The following ZNF407 variants were observed in gnomAD, a reference collection of about 807,000 sequenced individuals.
ZNF407 encodes zinc finger protein 407.
ZNF407 carries 17 observed loss-of-function variants against 131.2 expected under a neutral mutation model. The ratio of observed to expected loss-of-function variants is 0.13; its 90% CI spans 0.09 to 0.19. The LOEUF (loss-of-function observed/expected upper bound fraction) is 0.19, where lower values mean the gene tolerates loss of function less well. ZNF407 is among the 10% of genes least tolerant of loss of function. The probability of loss-of-function intolerance (pLI) is 1.00; values close to 1 mark genes in which losing one functional copy is unlikely to be tolerated. For missense variants in ZNF407, 2,681 were observed against 2,830.6 expected (o/e 0.95, Z 1.20); for synonymous variants, 1,156 against 1,062.0 (o/e 1.09, Z -1.72).
intron 1 of ZNF407, among the ~76,000 whole-genome samples, chr18:74,630,097 C>T (rs1206826827): frequency 6.7e-6 from 1 of 149,728 alleles, no homozygotes; most frequent in Non-Finnish European, 1.5e-5. Context: ...ACGTGTTGTT[C>T]ATTGGAATAT....
chr18:75,044,629 G>A (rs1387149119), intron 8 of ZNF407, among the ~76,000 whole-genome samples: 1 of 152,094 alleles, frequency 6.6e-6, no homozygotes, highest in Non-Finnish European at 1.5e-5. Context: ...ACTATGGCCC[G>A]TGTCAAAAAC....
At chr18:74,674,856 C>T (rs1453167629) in intron 3 of ZNF407, among the ~76,000 whole-genome samples, 1 of 152,178 alleles carries the variant, frequency 6.6e-6, no homozygotes, top group Admixed American at 6.5e-5. Flanking sequence ...CTGATCCATA[C>T]CCCCTCGCTG....
At chr18:75,034,390 G>A (rs746075927) in intron 8 of ZNF407, among the ~76,000 whole-genome samples, 35 of 138,644 alleles carry the variant, frequency 2.5e-4, no homozygotes, top group African/African-American at 7.2e-4. Flanking sequence ...TGCAAGCTCC[G>A]CCTCCCGGGT....
At chr18:74,681,489 C>T (rs1352023450) in intron 3 of ZNF407, among the ~76,000 whole-genome samples, 2 of 152,124 alleles carry the variant, frequency 1.3e-5, no homozygotes, top group African/African-American at 4.8e-5. Context: ...GTGATCCTCC[C>T]ACCTTGGCCT....
intron 4 of ZNF407, among the ~76,000 whole-genome samples, chr18:74,875,620 A>T (rs898768458): frequency 1.8e-4 from 28 of 152,184 alleles, no homozygotes; most frequent in Admixed American, 6.5e-5. Flanking sequence ...GAAATGTTAA[A>T]TGCATGAAGA....
At chr18:74,683,851 T>C (rs1599067063) in intron 3 of ZNF407, among the ~76,000 whole-genome samples, 1 of 152,218 alleles carries the variant, frequency 6.6e-6, no homozygotes, top group Non-Finnish European at 1.5e-5. Flanking sequence ...GTAATTAGGC[T>C]TCAGAATTTT....
chr18:74,602,127 C>T (rs1376650629), intron 1 of ZNF407, among the ~76,000 whole-genome samples: 1 of 152,164 alleles, frequency 6.6e-6, no homozygotes, highest in Admixed American at 6.5e-5. Context: ...GTACTAACTC[C>T]CTGCTTACTT....
chr18:74,623,439 G>A (rs537889040), intron 1 of ZNF407, among the ~76,000 whole-genome samples: 17 of 152,266 alleles, frequency 1.1e-4, no homozygotes, highest in African/African-American at 3.9e-4. Context: ...TCTTTAGGAG[G>A]GAGAAAGGCA....
intron 8 of ZNF407, among the ~76,000 whole-genome samples, chr18:74,982,333 TC>T (rs1432223647): frequency 6.6e-6 from 1 of 152,198 alleles, no homozygotes; most frequent in African/African-American, 2.4e-5. Context: ...ACCCAGACAT[TC>T]TATAGTCTCT....
rs1295447621 is a variant in ZNF407, at chr18:74,936,222, T to C, written c.5428+15530T>C. On this transcript the variant is annotated intron_variant, in intron 8 of 8. Transcript: ENST00000299687. The stretch of plus-strand genomic sequence containing the variant: ...ATTGAAATCCAGAGCTATCTATTTT[T>C]ATTATTTATGGCAGGATCAGTTTGG... Among the ~76,000 whole-genome samples, 5 of 152,236 alleles carry C rather than the reference T, an allele frequency of 3.3e-5. 1 individual carries two copies. The highest frequency in any genetic ancestry group is 1.2e-4 in the African/African-American group (5 of 41,464).
intron 8 of ZNF407, among the ~76,000 whole-genome samples, chr18:75,012,090 T>C (rs1358938393): frequency 1.3e-5 from 2 of 152,184 alleles, no homozygotes; most frequent in African/African-American, 2.4e-5. Flanking sequence ...CCTGTAACAC[T>C]AGCACTCTGT....
chr18:74,725,040 A>T (rs978161300), intron 3 of ZNF407, among the ~76,000 whole-genome samples: 2 of 152,242 alleles, frequency 1.3e-5, no homozygotes, highest in Non-Finnish European at 2.9e-5. Flanking sequence ...GTTTTTGATT[A>T]ACTGTTTATG....
intron 3 of ZNF407, among the ~76,000 whole-genome samples, chr18:74,664,722 C>G (rs1985863315): frequency 6.6e-6 from 1 of 152,114 alleles, no homozygotes; most frequent in Non-Finnish European, 1.5e-5. Context: ...CTCTTTCTCT[C>G]TCTTTTTTTT....
intron 8 of ZNF407, among the ~76,000 whole-genome samples, chr18:74,969,507 G>A (rs1017261693): frequency 6.6e-6 from 1 of 152,164 alleles, no homozygotes; most frequent in Non-Finnish European, 1.5e-5. Context: ...ATTTCAGTTT[G>A]CTTGTTTGAT....
intron 4 of ZNF407, among the ~76,000 whole-genome samples, chr18:74,824,037 TAGAACTCAGGATTG>T (rs1232925459): frequency 6.6e-6 from 1 of 152,204 alleles, no homozygotes; most frequent in Non-Finnish European, 1.5e-5. Context: ...GGAATCGAAT[TAGAACTCAGGATTG>T]AGAAACTCAC....
At chr18:75,007,189 T>G (rs1428570916) in intron 8 of ZNF407, among the ~76,000 whole-genome samples, 2 of 151,118 alleles carry the variant, frequency 1.3e-5, no homozygotes, top group African/African-American at 4.9e-5. Flanking sequence ...TTAGTATTTT[T>G]TATTTATTTA....
intron 4 of ZNF407, among the ~76,000 whole-genome samples, chr18:74,864,221 C>T (rs539995895): frequency 6.6e-6 from 1 of 152,280 alleles, no homozygotes; most frequent in South Asian, 2.1e-4. Context: ...GAGGCATAAC[C>T]TTTGGTAACA....
chr18:75,039,019 G>T (rs1360481092), intron 8 of ZNF407, among the ~76,000 whole-genome samples: 1 of 152,152 alleles, frequency 6.6e-6, no homozygotes, highest in Non-Finnish European at 1.5e-5. Context: ...CTATAATTTT[G>T]TTGTCAGCTT....
chr18:75,024,132 A>G (rs1246255891), intron 8 of ZNF407, among the ~76,000 whole-genome samples: 1 of 152,216 alleles, frequency 6.6e-6, no homozygotes, highest in Non-Finnish European at 1.5e-5. Flanking sequence ...AGAAAAGCCA[A>G]AGAAGTTAGG....
Sources: gnomAD v4.1 joint callset for allele counts (sites outside exome capture counted in the v4.1 genomes callset) on GRCh38, gnomAD v4.1.1 for gene constraint, MANE v1.5 for transcripts, NCBI Gene and HGNC (gene_info 2026-07-23, HGNC 2026-07-21) for gene names.